The following GRIK3 variants were observed in gnomAD, a reference collection of about 807,000 sequenced individuals.
The protein encoded by GRIK3 is glutamate ionotropic receptor kainate type subunit 3, also known as glutamate receptor ionotropic, kainate 3.
In GRIK3, 29 loss-of-function variants were observed where a neutral mutation model predicts 102.5. That is an observed-to-expected ratio of 0.28 (90% CI 0.21 to 0.39). GRIK3 has a LOEUF of 0.39. Among genes scored for constraint, GRIK3 ranks in the 10% least tolerant of loss-of-function variants. The pLI, the probability that GRIK3 is intolerant of heterozygous loss-of-function variation, is 1.00. For missense variants in GRIK3, 908 were observed against 1,252.4 expected, an observed-to-expected ratio of 0.73 and a Z score of 4.15; for synonymous variants, 511 against 504.9, an observed-to-expected ratio of 1.01 and a Z score of -0.16.
chr1:36,947,653 C>T (rs912388031), intron 1 of GRIK3, among the ~76,000 whole-genome samples: 2 of 152,110 alleles, frequency 1.3e-5, no homozygotes, highest in African/African-American at 4.8e-5. Context: ...GAGCTCACCC[C>T]CTCCAGTGAG....
In GRIK3 at chr1:36,859,088, G is replaced by T. The variant is rs1216656493; in HGVS notation, c.1104+20C>A. 1.3e-6 allele frequency: 2 copies of T among 1,589,180 alleles called. No homozygotes were observed. The highest frequency in any genetic ancestry group is 1.1e-5 in the South Asian group (1 of 88,630). ...ACAGTCCCGGGGAGACAACACTGGT[G>T]GGGGCTGTGGGGCACTCACCTCCTT... is the stretch of plus-strand genomic sequence containing the variant. On this transcript the variant is annotated intron_variant, in intron 7 of 15. Transcript: ENST00000373091.
intron 15 of GRIK3, among the ~76,000 whole-genome samples, chr1:36,802,359 T>C (rs188069638): frequency 1.2e-4 from 19 of 152,280 alleles, no homozygotes; most frequent in Non-Finnish European, 2.2e-4. Flanking sequence ...CTGTGCCATT[T>C]TTCTTCACTA....
rs373726438 is a variant in GRIK3, at chr1:36,822,947, G to A, written c.1754+2656C>T. On this transcript the variant is annotated intron_variant, in intron 11 of 15. Transcript: ENST00000373091. ...GGCCTTGCACAATGCCTGGTCCCCT[G>A]GTGTGGGCCAAACAGGTCAGGCCAG... 2.6e-5 allele frequency among the ~76,000 whole-genome samples: 4 copies of A among 152,150 alleles called. No individual in the cohort carries two copies. The East Asian group carries it at 5.8e-4, about 22-fold the overall frequency.
At chr1:36,951,953 GT>G (rs1276290661) in intron 1 of GRIK3, among the ~76,000 whole-genome samples, 2 of 152,054 alleles carry the variant, frequency 1.3e-5, no homozygotes, top group Non-Finnish European at 2.9e-5. Flanking sequence ...TGCCAGGTGG[GT>G]TCTGTCTTGT....
At chr1:36,863,729 G>A (rs1437780457) in intron 5 of GRIK3, among the ~76,000 whole-genome samples, 4 of 152,144 alleles carry the variant, frequency 2.6e-5, no homozygotes, top group Admixed American at 6.5e-5. Flanking sequence ...TGCGTCAGAC[G>A]CGATTCTGCT....
At chr1:36,927,474 C>T (rs1180434715) in intron 1 of GRIK3, among the ~76,000 whole-genome samples, 3 of 151,990 alleles carry the variant, frequency 2.0e-5, no homozygotes, top group African/African-American at 7.2e-5. Context: ...CACTAACAGG[C>T]CCCGTGTCAA....
chr1:36,859,100 GC>G lies in GRIK3; in HGVS notation c.1104+7del. 1 of 1,600,428 alleles carries G rather than the reference GC, an allele frequency of 6.2e-7. No individual in the cohort carries two copies. The highest frequency in any genetic ancestry group is 8.5e-7 in the Non-Finnish European group (1 of 1,170,782). ...AGACAACACTGGTGGGGGCTGTGGG[GC>G]ACTCACCTCCTTGATGAAGTTCATG... On this transcript the variant is annotated splice_region_variant and intron_variant, in intron 7 of 15. Transcript: ENST00000373091.
intron 2 of GRIK3, among the ~76,000 whole-genome samples, chr1:36,888,850 A>G (rs1641071934): frequency 6.6e-6 from 1 of 151,554 alleles, no homozygotes; most frequent in African/African-American, 2.4e-5. Flanking sequence ...GCTCTCTCTC[A>G]TTTTCTGGTT....
chr1:36,810,321 C>A (rs759531511), intron 13 of GRIK3, among the ~76,000 whole-genome samples: 1 of 152,190 alleles, frequency 6.6e-6, no homozygotes, highest in African/African-American at 2.4e-5. Context: ...CCTGTCCCGG[C>A]CCTGGTTGGA....
chr1:36,920,554 G>A (rs572248019), intron 1 of GRIK3, among the ~76,000 whole-genome samples: 5 of 152,270 alleles, frequency 3.3e-5, no homozygotes, highest in Admixed American at 1.3e-4. Context: ...TTCAGCACCT[G>A]CTTCCCATGC....
At chr1:36,826,138 G>A (rs558348481) in intron 10 of GRIK3, among the ~76,000 whole-genome samples, 30 of 152,228 alleles carry the variant, frequency 2.0e-4, no homozygotes, top group African/African-American at 7.0e-4. Flanking sequence ...TTCTCAAAAT[G>A]GTGCTTTGTC....
intron 8 of GRIK3, among the ~76,000 whole-genome samples, chr1:36,851,223 G>A (rs1246848492): frequency 3.3e-5 from 5 of 152,346 alleles, no homozygotes; most frequent in Admixed American, 2.0e-4. Context: ...AGAGAGCTGC[G>A]CAGAGCAGAC....
At chr1:36,816,315 G>T (rs1425399653) in intron 13 of GRIK3, among the ~76,000 whole-genome samples, 6 of 152,184 alleles carry the variant, frequency 3.9e-5, no homozygotes, top group African/African-American at 1.4e-4. Flanking sequence ...GGCCTACTGT[G>T]AGATCTCAGT....
chr1:36,858,039 T>C (rs1372809404), intron 7 of GRIK3, among the ~76,000 whole-genome samples: 1 of 152,204 alleles, frequency 6.6e-6, no homozygotes, highest in East Asian at 1.9e-4. Flanking sequence ...CCGCTGTGAT[T>C]GTTACAGAGA....
intron 1 of GRIK3, among the ~76,000 whole-genome samples, chr1:36,965,158 CTTCTA>C (rs1461565812): frequency 6.6e-6 from 1 of 152,160 alleles, no homozygotes; most frequent in Non-Finnish European, 1.5e-5. Context: ...CCATCCTAGA[CTTCTA>C]TTTCCTCGCC....
At chr1:36,871,633 C>T (rs188659763) in intron 4 of GRIK3, among the ~76,000 whole-genome samples, 1,582 of 152,306 alleles carry the variant, frequency 0.01, 13 homozygotes, top group Non-Finnish European at 0.019. Context: ...TGTTTGGGAA[C>T]GAAGGCCCAT....
chr1:36,815,063 G>A (rs542146643), intron 13 of GRIK3, among the ~76,000 whole-genome samples: 2 of 152,226 alleles, frequency 1.3e-5, no homozygotes, highest in Non-Finnish European at 2.9e-5. Context: ...CACATGTGAA[G>A]CCATGCATGT....
At chr1:36,845,628 C>T (rs543880) in intron 9 of GRIK3, among the ~76,000 whole-genome samples, 12,989 of 152,266 alleles carry the variant, frequency 0.085, 1,774 homozygotes, top group African/African-American at 0.29. Flanking sequence ...CACACATGCA[C>T]GCACAAGTAT....
intron 1 of GRIK3, among the ~76,000 whole-genome samples, chr1:36,985,116 C>T (rs1642290828): frequency 6.6e-6 from 1 of 152,042 alleles, no homozygotes; most frequent in Non-Finnish European, 1.5e-5. Context: ...GGCAAGGGCT[C>T]TCAGTTCTGG....
Sources: gnomAD v4.1 joint callset for allele counts (sites outside exome capture counted in the v4.1 genomes callset) on GRCh38, gnomAD v4.1.1 for gene constraint, MANE v1.5 for transcripts, NCBI Gene and HGNC (gene_info 2026-07-23, HGNC 2026-07-21) for gene names.